The following CELF2 variants were observed in gnomAD, a reference collection of about 807,000 sequenced individuals.
CELF2 encodes CUG triplet repeat RNA-binding protein 2.
CELF2 carries 8 observed loss-of-function variants against 62.6 expected under a neutral mutation model. That is an observed-to-expected ratio of 0.13 (90% CI 0.07 to 0.23). CELF2 has a LOEUF of 0.23. CELF2 is among the 10% of genes least tolerant of loss of function. The pLI is 1.00. For missense variants in CELF2, 333 were observed against 671.0 expected, an observed-to-expected ratio of 0.50 and a Z score of 5.56; for synonymous variants, 258 against 250.0, an observed-to-expected ratio of 1.03 and a Z score of -0.30.
At position 10,966,292 on chromosome 10, in the gene CELF2, A is replaced by T. The variant is rs1034038186; in HGVS notation, c.89+46293A>T. On this transcript the variant is annotated intron_variant, in intron 2 of 13. Transcript: ENST00000636488. ...TTAGCTAGTGACTGGGGAGACTCCA[A>T]TGCTGCTTTTCTTCCAGAGCTGGGT... 5.9e-5 allele frequency among the ~76,000 whole-genome samples: 9 copies of T among 152,308 alleles called. No homozygotes were observed. In the South Asian group the frequency reaches 1.9e-3, roughly 32 times the overall value.
rs2076055240 is a variant in CELF2, at chr10:11,247,764, A to G, written c.355-1389A>G. Among the ~76,000 whole-genome samples, 2 of 152,076 alleles carry G rather than the reference A, an allele frequency of 1.3e-5. No homozygotes were observed. Among genetic ancestry groups the G allele is most frequent in the African/African-American group, 4.8e-5 (2 of 41,396 alleles). On this transcript the variant is annotated intron_variant, in intron 3 of 12. Transcript: ENST00000633077. This position sits in a 1 kb window ranked among gnomAD's most constrained non-coding sequence, Gnocchi z 5.4. ...GCATGCTGGGAGGATCGCTTGCTCA[A>G]AGACTCTGCCCATCTCCCCCAGGCA... is the stretch of plus-strand genomic sequence containing the variant.
chr10:10,575,302 C>G, the CELF2 span, among the ~76,000 whole-genome samples: 1 of 152,132 alleles, frequency 6.6e-6, no homozygotes, highest in Non-Finnish European at 1.5e-5. Context: ...ATGGAAGGAG[C>G]CTGAGCTAAT....
At chr10:10,580,785 A>C in the CELF2 span, among the ~76,000 whole-genome samples, 2 of 152,340 alleles carry the variant, frequency 1.3e-5, no homozygotes, top group East Asian at 3.9e-4. Context: ...AAGGGAATCA[A>C]AGTGGCTTAA....
chr10:11,165,736 C>CTGGGGCTG lies in CELF2; in HGVS notation c.271+56_271+63dup. ...GCGTCCAGGTGGGCGTCGCGGGGCA[C>CTGGGGCTG]TGGGGCTGTCCGAGCCCCCAGCCTG... On this transcript the variant is annotated intron_variant, in intron 2 of 12. Coordinates refer to ENST00000633077, the MANE Select transcript of CELF2 (RefSeq NM_001326342.2). This position sits in a 1 kb window ranked among gnomAD's most constrained non-coding sequence, Gnocchi z 7.4. The CTGGGGCTG allele has an allele frequency of 6.6e-7, 1 of 1,512,744 alleles. No homozygotes were observed. Among genetic ancestry groups the CTGGGGCTG allele is most frequent in the Non-Finnish European group, 8.9e-7 (1 of 1,119,550 alleles). 93.7% of individuals were successfully genotyped at this position (1,512,744 alleles called of 1,614,324 possible). A position where few individuals can be genotyped will look rare whatever the true frequency, so the allele number is the denominator to read the frequency against.
rs1265810592 is a variant in CELF2, at chr10:11,224,359, G to T, written c.354+6852G>T. Among the ~76,000 whole-genome samples, 2 of 151,878 alleles carry T rather than the reference G, an allele frequency of 1.3e-5. No individual in the cohort carries two copies. The highest frequency in any genetic ancestry group is 2.9e-5 in the Non-Finnish European group (2 of 68,038). On this transcript the variant is annotated intron_variant, in intron 3 of 12. Coordinates refer to ENST00000633077, the MANE Select transcript of CELF2 (RefSeq NM_001326342.2). The surrounding 1 kb of genome is among the most constrained non-coding windows in gnomAD (Gnocchi z 4.5). ...GATACTGGTATCTCATTAGTATCTTGTGAGGGGATGGTAGGATGGTACAAT... is the reference window on the plus strand; with the variant it reads ...GATACTGGTATCTCATTAGTATCTTTTGAGGGGATGGTAGGATGGTACAAT...
At chr10:10,487,816 C>A in the CELF2 span, among the ~76,000 whole-genome samples, 1 of 152,008 alleles carries the variant, frequency 6.6e-6, no homozygotes, top group Admixed American at 6.6e-5. Context: ...TTGTGCTTAA[C>A]CCTTTAAATT....
At chr10:10,748,976 C>T in the CELF2 span, among the ~76,000 whole-genome samples, 2 of 152,040 alleles carry the variant, frequency 1.3e-5, no homozygotes, top group Admixed American at 6.6e-5. Flanking sequence ...TTCAGCCTTC[C>T]AGTTTGCCAA....
intron 1 of CELF2, among the ~76,000 whole-genome samples, chr10:11,043,443 A>T (rs1232013925): frequency 1.3e-5 from 2 of 152,190 alleles, no homozygotes; most frequent in Non-Finnish European, 2.9e-5. Context: ...GTGATCTCTG[A>T]TGCAGTCCAG....
At chr10:10,736,396 C>CTTTCTTTTCT in the CELF2 span, among the ~76,000 whole-genome samples, 2 of 76,016 alleles carry the variant, frequency 2.6e-5, no homozygotes, top group Non-Finnish European at 5.5e-5. Context: ...TTCTTTCTTT[C>CTTTCTTTTCT]TTTTTTTTTT....
rs2061534728 is a variant in CELF2 at position 11,039,919 on chromosome 10, A to G, written c.74+21756A>G. On this transcript the variant is annotated intron_variant, in intron 1 of 12. Coordinates refer to ENST00000633077, the MANE Select transcript of CELF2 (RefSeq NM_001326342.2). The surrounding 1 kb of genome is among the most constrained non-coding windows in gnomAD (Gnocchi z 4.1). ...TCTTCCTGTTTGTTTTTGTCAAGCT[A>G]ATATTATTTACAAAAACCATCCCAA... Among the ~76,000 whole-genome samples, 2 of 152,160 alleles carry G rather than the reference A, an allele frequency of 1.3e-5. No homozygotes were observed. The highest frequency in any genetic ancestry group is 2.1e-4 in the South Asian group (1 of 4,828).
rs2136443491 is a variant in CELF2, at chr10:10,983,294, A to G, written c.89+63295A>G. 6.6e-6 allele frequency among the ~76,000 whole-genome samples: 1 copy of G among 152,336 alleles called. No individual in the cohort carries two copies. Among genetic ancestry groups the G allele is most frequent in the East Asian group, 1.9e-4 (1 of 5,196 alleles). Reference sequence around the variant, plus strand: ...TAGCATTATTTATACACATTTTAGTAAAACTAGCTGAGGGTGCTTGGGGGT... The same window carrying G: ...TAGCATTATTTATACACATTTTAGTGAAACTAGCTGAGGGTGCTTGGGGGT... On this transcript the variant is annotated intron_variant, in intron 2 of 13. Coordinates refer to the CELF2 transcript ENST00000636488. This position sits in a 1 kb window ranked among gnomAD's most constrained non-coding sequence, Gnocchi z 5.2.
chr10:11,156,179 G>A lies in CELF2; in HGVS notation c.75-9307G>A, dbSNP rs577967099. 2.0e-5 allele frequency among the ~76,000 whole-genome samples: 3 copies of A among 152,242 alleles called. No homozygotes were observed. In the East Asian group the frequency reaches 5.8e-4, roughly 29 times the overall value. ...GTTCAGGGACAAGTGGACCCAGCGG[G>A]CATTTGGAGAAAAATAGGCATGACT... is the stretch of plus-strand genomic sequence containing the variant. On this transcript the variant is annotated intron_variant, in intron 1 of 12. Transcript: ENST00000633077. This position sits in a 1 kb window ranked among gnomAD's most constrained non-coding sequence, Gnocchi z 4.3.
the CELF2 span, among the ~76,000 whole-genome samples, chr10:10,708,476 C>T: frequency 6.6e-6 from 1 of 152,128 alleles, no homozygotes; most frequent in Non-Finnish European, 1.5e-5. Context: ...AAAAAACCAG[C>T]TTGGCATATA....
upstream of CELF2, among the ~76,000 whole-genome samples, chr10:11,001,197 A>G (rs1564339529): frequency 6.6e-6 from 1 of 152,204 alleles, no homozygotes; most frequent in Non-Finnish European, 1.5e-5. Flanking sequence ...GCAATATGGG[A>G]TGTTTCTTAA....
chr10:11,152,523 A>G (rs1049685069), intron 1 of CELF2, among the ~76,000 whole-genome samples: 1 of 152,228 alleles, frequency 6.6e-6, no homozygotes, highest in African/African-American at 2.4e-5. Context: ...TGTGACTTAC[A>G]AAATTATCCT....
At chr10:10,567,846 C>G in the CELF2 span, among the ~76,000 whole-genome samples, 10,948 of 152,148 alleles carry the variant, frequency 0.072, 1,312 homozygotes, top group African/African-American at 0.25. Flanking sequence ...GAGAACAGAT[C>G]TAGGCAGCAT....
At chr10:10,558,989 T>G in the CELF2 span, among the ~76,000 whole-genome samples, 1 of 152,196 alleles carries the variant, frequency 6.6e-6, no homozygotes, top group Non-Finnish European at 1.5e-5. Flanking sequence ...CATTAATAAT[T>G]TTTATATTAA....
At chr10:11,251,270 A>ATTTTTTTTTTTTTTTTTTTT (rs66615560) in intron 4 of CELF2, among the ~76,000 whole-genome samples, 2 of 63,300 alleles carry the variant, frequency 3.2e-5, no homozygotes, top group African/African-American at 6.7e-5. Flanking sequence ...ACACAAAGGG[A>ATTTTTTTTTTTTTTTTTTTT]TTTTTTTTTT....
the CELF2 span, among the ~76,000 whole-genome samples, chr10:10,588,613 T>C: frequency 8.5e-4 from 129 of 152,294 alleles, 4 homozygotes; most frequent in South Asian, 0.016. Flanking sequence ...GGAGGGATTG[T>C]AGATGACTCA....
Sources: gnomAD v4.1 joint callset for allele counts (sites outside exome capture counted in the v4.1 genomes callset) on GRCh38, gnomAD v4.1.1 for gene constraint, Gnocchi (gnomAD v3.1) non-coding constraint, MANE v1.5 for transcripts, NCBI Gene and HGNC (gene_info 2026-07-23, HGNC 2026-07-21) for gene names.